The following WWOX variants were observed in gnomAD, a reference collection of about 807,000 sequenced individuals.
The protein encoded by WWOX is WW domain containing oxidoreductase, also known as WW domain-containing oxidoreductase.
WWOX carries 69 observed loss-of-function variants against 46.2 expected under a neutral mutation model. The ratio of observed to expected loss-of-function variants is 1.49; its 90% CI spans 1.23 to 1.82. The LOEUF (loss-of-function observed/expected upper bound fraction) is 1.82. WWOX is among the 40% of genes most tolerant of loss of function. WWOX has a pLI of 0.00. For synonymous variants in WWOX, 359 were observed against 202.6 expected, an observed-to-expected ratio of 1.77 and a Z score of -6.56; for missense variants, 919 against 542.6, an observed-to-expected ratio of 1.69 and a Z score of -6.89.
intron 8 of WWOX, among the ~76,000 whole-genome samples, chr16:78,697,306 C>G (rs2048120941): frequency 6.6e-6 from 1 of 152,190 alleles, no homozygotes; most frequent in African/African-American, 2.4e-5. Flanking sequence ...TCCCTGCTCA[C>G]CGCATTCACG....
intron 8 of WWOX, among the ~76,000 whole-genome samples, chr16:78,768,161 G>T (rs1555531793): frequency 6.6e-6 from 1 of 150,442 alleles, no homozygotes; most frequent in South Asian, 2.1e-4. Context: ...GCGGGGCGGG[G>T]GGGTCGGTTA....
At chr16:78,735,682 C>G (rs2049074490) in intron 8 of WWOX, among the ~76,000 whole-genome samples, 1 of 152,170 alleles carries the variant, frequency 6.6e-6, no homozygotes. Context: ...CTGGCGTCAC[C>G]ACGGCCACCG....
chr16:78,157,018 C>T (rs902872717), intron 4 of WWOX, among the ~76,000 whole-genome samples: 2 of 152,186 alleles, frequency 1.3e-5, no homozygotes, highest in Non-Finnish European at 2.9e-5. Context: ...AAAAACGTAG[C>T]TGCTATTGAA....
At chr16:79,011,987 C>T (rs923419159) in intron 8 of WWOX, among the ~76,000 whole-genome samples, 1 of 152,182 alleles carries the variant, frequency 6.6e-6, no homozygotes. Flanking sequence ...CTATCTTTTT[C>T]CTCTATTGTT....
At chr16:79,167,605 T>G (rs1430313726) in intron 8 of WWOX, among the ~76,000 whole-genome samples, 2 of 152,218 alleles carry the variant, frequency 1.3e-5, no homozygotes, top group African/African-American at 2.4e-5. Flanking sequence ...GCGAAGCGAA[T>G]GCCCACAGTG....
chr16:78,416,724 G>A (rs2082804718), intron 6 of WWOX, among the ~76,000 whole-genome samples: 1 of 152,210 alleles, frequency 6.6e-6, no homozygotes, highest in African/African-American at 2.4e-5. Flanking sequence ...GGTAAACACT[G>A]CAGAAACTAT....
intron 8 of WWOX, among the ~76,000 whole-genome samples, chr16:78,617,405 A>G (rs1289916935): frequency 1.1e-5 from 1 of 94,236 alleles, no homozygotes; most frequent in Admixed American, 8.7e-5. Context: ...TTGTATCCAA[A>G]AAAAAAAAAA....
At chr16:79,159,975 G>A (rs1036674602) in intron 8 of WWOX, among the ~76,000 whole-genome samples, 2 of 145,206 alleles carry the variant, frequency 1.4e-5, no homozygotes, top group African/African-American at 2.4e-5. Context: ...TACCTAGGGG[G>A]CTTTGGGATT....
intron 8 of WWOX, among the ~76,000 whole-genome samples, chr16:78,925,994 G>T (rs180895338): frequency 6.6e-6 from 1 of 152,324 alleles, no homozygotes; most frequent in Non-Finnish European, 1.5e-5. Context: ...GAAGGGATGT[G>T]GGGAGAGCTA....
chr16:78,255,394 A>T (rs959634727), intron 5 of WWOX, among the ~76,000 whole-genome samples: 2 of 152,258 alleles, frequency 1.3e-5, no homozygotes, highest in Admixed American at 1.3e-4. Context: ...TATATTGCCG[A>T]GAAAGAGAAA....
At chr16:79,100,847 A>G (rs1355889052) in intron 8 of WWOX, among the ~76,000 whole-genome samples, 9 of 151,948 alleles carry the variant, frequency 5.9e-5, no homozygotes, top group Admixed American at 2.0e-4. Context: ...CTTTTAGAGC[A>G]GAGGGCAGTG....
At chr16:78,985,604 A>G (rs1832981328) in intron 8 of WWOX, among the ~76,000 whole-genome samples, 1 of 152,304 alleles carries the variant, frequency 6.6e-6, no homozygotes, top group Non-Finnish European at 1.5e-5. Flanking sequence ...CCCAGTCTCT[A>G]CTAAAAATAC....
intron 8 of WWOX, among the ~76,000 whole-genome samples, chr16:79,163,403 G>A (rs1451891503): frequency 5.3e-5 from 8 of 152,130 alleles, no homozygotes; most frequent in African/African-American, 4.8e-5. Context: ...TCATTAAGGC[G>A]CCTAATTTAT....
intron 8 of WWOX, among the ~76,000 whole-genome samples, chr16:78,774,953 A>G (rs1014975710): frequency 9.9e-5 from 15 of 152,118 alleles, no homozygotes; most frequent in African/African-American, 3.6e-4. Flanking sequence ...CCTGTAGCAG[A>G]TATTTGTGGT....
intron 8 of WWOX, among the ~76,000 whole-genome samples, chr16:78,562,232 C>T (rs547529443): frequency 5.3e-5 from 8 of 152,278 alleles, no homozygotes; most frequent in East Asian, 1.9e-4. Flanking sequence ...ATAAGAGCCT[C>T]GCGAGGTTTG....
chr16:78,299,229 G>A (rs1175740543), intron 5 of WWOX, among the ~76,000 whole-genome samples: 5 of 152,136 alleles, frequency 3.3e-5, no homozygotes, highest in African/African-American at 7.2e-5. Context: ...AGTGGGTGCC[G>A]TAACATGTCT....
chr16:79,073,626 AC>A (rs2048593898), intron 8 of WWOX, among the ~76,000 whole-genome samples: 1 of 152,136 alleles, frequency 6.6e-6, no homozygotes, highest in Non-Finnish European at 1.5e-5. Context: ...TCCCTTTATT[AC>A]CTACTAATAA....
intron 8 of WWOX, among the ~76,000 whole-genome samples, chr16:78,597,644 C>G (rs1448187329): frequency 6.6e-6 from 1 of 152,044 alleles, no homozygotes; most frequent in Non-Finnish European, 1.5e-5. Flanking sequence ...GTTCATCTCT[C>G]TTGCTTTTAT....
intron 8 of WWOX, among the ~76,000 whole-genome samples, chr16:78,629,047 A>G (rs532116685): frequency 2.7e-4 from 41 of 152,332 alleles, no homozygotes; most frequent in African/African-American, 8.9e-4. Flanking sequence ...CCAATAGACC[A>G]TAACTGCAGT....
Sources: gnomAD v4.1 joint callset for allele counts (sites outside exome capture counted in the v4.1 genomes callset) on GRCh38, gnomAD v4.1.1 for gene constraint, MANE v1.5 for transcripts, NCBI Gene and HGNC (gene_info 2026-07-23, HGNC 2026-07-21) for gene names.